Variants in ATAD2B observed in about 807,000 individuals in gnomAD.
The protein encoded by ATAD2B is ATPase family AAA domain containing 2B.
A neutral mutation model predicts 167.6 loss-of-function variants in ATAD2B; 40 were observed. That is an observed-to-expected ratio of 0.24 (90% CI 0.19 to 0.31). ATAD2B has a LOEUF of 0.31. ATAD2B is among the 10% of genes least tolerant of loss of function. The pLI, the probability that ATAD2B is intolerant of heterozygous loss-of-function variation, is 1.00. For synonymous variants in ATAD2B, 579 were observed against 596.5 expected (o/e 0.97, Z 0.43); for missense variants, 1,242 against 1,757.2 (o/e 0.71, Z 5.24).
At chr2:23,902,467 A>G (rs997524535) in intron 1 of ATAD2B, among the ~76,000 whole-genome samples, 1 of 152,222 alleles carries the variant, frequency 6.6e-6, no homozygotes, top group Non-Finnish European at 1.5e-5. Context: ...ACCTGATGCT[A>G]ACAATTCACC....
chr2:23,708,789 G>C, the ATAD2B span, among the ~76,000 whole-genome samples: 2 of 152,196 alleles, frequency 1.3e-5, no homozygotes, highest in African/African-American at 2.4e-5. Flanking sequence ...GAAGACAATT[G>C]AAGGTAAAAG....
At chr2:23,818,091 CA>C (rs1686737045) in intron 17 of ATAD2B, among the ~76,000 whole-genome samples, 2 of 72,102 alleles carry the variant, frequency 2.8e-5, no homozygotes, top group Non-Finnish European at 5.1e-5. Flanking sequence ...CACACACACA[CA>C]CATTACACAC....
At chr2:23,897,480 T>G (rs12466121) in intron 1 of ATAD2B, among the ~76,000 whole-genome samples, 1 of 152,110 alleles carries the variant, frequency 6.6e-6, no homozygotes, top group Non-Finnish European at 1.5e-5. Context: ...ACCACAAAGA[T>G]AGTGATTATC....
rs190533483 is a variant in ATAD2B at position 23,794,944 on chromosome 2, A to G, written c.2640+3194T>C. ...TGAACTACAAGAGAGGGATATATACAAAGAGACACAAGAGAATGTCAAAGA... is the reference window on the plus strand; with the variant it reads ...TGAACTACAAGAGAGGGATATATACGAAGAGACACAAGAGAATGTCAAAGA... On this transcript the variant is annotated intron_variant, in intron 19 of 27. Transcript: ENST00000238789. Among the ~76,000 whole-genome samples, 943 of 152,288 alleles carry G rather than the reference A, an allele frequency of 6.2e-3. 4 individuals are homozygous for G. Among genetic ancestry groups the G allele is most frequent in the South Asian group, 0.023 (109 of 4,828 alleles).
At chr2:23,790,686 C>G (rs974646760) in intron 19 of ATAD2B, among the ~76,000 whole-genome samples, 3 of 152,188 alleles carry the variant, frequency 2.0e-5, no homozygotes, top group Admixed American at 6.5e-5. Context: ...ATTCCCAGAA[C>G]AAATCACGCT....
At chr2:23,880,493 G>A (rs867899949) in intron 7 of ATAD2B, 146 bp downstream of exon 7, 2 of 583,306 alleles carry the variant, frequency 3.4e-6, no homozygotes, top group Admixed American at 3.1e-5. Context: ...AACCCAGGAG[G>A]CACAGCTTGC....
downstream of ATAD2B, among the ~76,000 whole-genome samples, chr2:23,746,110 T>A (rs553670252): frequency 8.1e-4 from 123 of 152,328 alleles, 2 homozygotes; most frequent in African/African-American, 2.8e-3. Context: ...TGAGGTTAGG[T>A]TACATGCTCC....
the ATAD2B span, among the ~76,000 whole-genome samples, chr2:23,681,910 T>C: frequency 6.6e-6 from 1 of 152,176 alleles, no homozygotes; most frequent in Non-Finnish European, 1.5e-5. The surrounding 1 kb of genome is among the most constrained non-coding windows in gnomAD (Gnocchi z 4.2). Context: ...ACTGGCCCTG[T>C]GCTGTCTCCC....
intron 22 of ATAD2B, among the ~76,000 whole-genome samples, chr2:23,772,844 G>T (rs1678545507): frequency 6.6e-6 from 1 of 152,102 alleles, no homozygotes; most frequent in Non-Finnish European, 1.5e-5. Context: ...AGTCCTCTCT[G>T]CCTCAGTGCC....
chr2:23,858,905 T>C (rs1371252624), intron 12 of ATAD2B, among the ~76,000 whole-genome samples: 1 of 152,186 alleles, frequency 6.6e-6, no homozygotes, highest in African/African-American at 2.4e-5. Context: ...AACAATATTG[T>C]AACAAATAAT....
chr2:23,751,948 G>A lies in ATAD2B; in HGVS notation c.*98C>T, dbSNP rs1337317543. ...TGAGTGAGAGAGCACTTTACACCAA[G>A]GCTCTGCACATAATTGGTGCAATTT... On this transcript the variant is annotated 3_prime_UTR_variant, in exon 28 of 28. Transcript: ENST00000238789. 4.2e-6 allele frequency: 4 copies of A among 951,984 alleles called. No homozygotes were observed. The highest frequency in any genetic ancestry group is 6.5e-6 in the Non-Finnish European group (4 of 619,190). 59.0% of individuals were successfully genotyped at this position (951,984 alleles called of 1,614,324 possible).
the ATAD2B span, among the ~76,000 whole-genome samples, chr2:23,692,078 A>G: frequency 6.6e-6 from 1 of 152,214 alleles, no homozygotes; most frequent in Non-Finnish European, 1.5e-5. Flanking sequence ...CATGGAATGA[A>G]GAGGACTCCG....
intron 1 of ATAD2B, among the ~76,000 whole-genome samples, chr2:23,911,165 G>A (rs1024560390): frequency 2.0e-5 from 3 of 151,548 alleles, no homozygotes; most frequent in Non-Finnish European, 4.4e-5. Context: ...AGGTTGCAGT[G>A]AGCCGAGATT....
intron 1 of ATAD2B, among the ~76,000 whole-genome samples, chr2:23,910,679 C>A (rs1167416328): frequency 6.7e-6 from 1 of 149,886 alleles, no homozygotes; most frequent in African/African-American, 2.5e-5. Flanking sequence ...ACCAGCCTGA[C>A]CAATATGATG....
chr2:23,824,425 T>C (rs542900708), intron 15 of ATAD2B, among the ~76,000 whole-genome samples: 56 of 152,318 alleles, frequency 3.7e-4, no homozygotes, highest in African/African-American at 1.3e-3. Context: ...TAAAATAGTA[T>C]ATAAACAGAA....
chr2:23,891,110 T>A (rs1699418860), intron 2 of ATAD2B, among the ~76,000 whole-genome samples: 1 of 150,620 alleles, frequency 6.6e-6, no homozygotes, highest in Non-Finnish European at 1.5e-5. Context: ...AACCACCATC[T>A]CCCGGGTTCA....
At chr2:23,792,986 A>AAC (rs1319684105) in intron 19 of ATAD2B, among the ~76,000 whole-genome samples, 1 of 150,318 alleles carries the variant, frequency 6.7e-6, no homozygotes. Context: ...AAAAAAAAAA[A>AAC]AAAACTTGAG....
intron 14 of ATAD2B, among the ~76,000 whole-genome samples, chr2:23,831,599 T>C (rs1689083637): frequency 6.6e-6 from 1 of 152,140 alleles, no homozygotes; most frequent in South Asian, 2.1e-4. Flanking sequence ...CCCAATTCAC[T>C]GAGAAAACTG....
chr2:23,800,223 C>T lies in ATAD2B; in HGVS notation c.2455-1900G>A, dbSNP rs1683263709. ...GAGTCAGCAAGGAAACAAAGGTGATCATATGAAAGACTAACCAGCTATAGG... is the reference window on the plus strand; with the variant it reads ...GAGTCAGCAAGGAAACAAAGGTGATTATATGAAAGACTAACCAGCTATAGG... On this transcript the variant is annotated intron_variant, in intron 18 of 27. Transcript: ENST00000238789. 2.0e-5 allele frequency among the ~76,000 whole-genome samples: 3 copies of T among 152,158 alleles called. No individual in the cohort carries two copies. The South Asian group carries it at 6.2e-4, about 32-fold the overall frequency.
Sources: gnomAD v4.1 joint callset for allele counts (sites outside exome capture counted in the v4.1 genomes callset) on GRCh38, gnomAD v4.1.1 for gene constraint, Gnocchi (gnomAD v3.1) non-coding constraint, MANE v1.5 for transcripts, NCBI Gene and HGNC (gene_info 2026-07-23, HGNC 2026-07-21) for gene names.